The following NCOR1 variants were observed in gnomAD, a reference collection of about 807,000 sequenced individuals.
The protein encoded by NCOR1 is protein phosphatase 1, regulatory subunit 109.
A neutral mutation model predicts 288.1 loss-of-function variants in NCOR1; 63 were observed. The observed-to-expected ratio is 0.22, with a 90% CI of 0.18 to 0.27. The LOEUF (loss-of-function observed/expected upper bound fraction) is 0.27, where lower values mean the gene tolerates loss of function less well. Among genes scored for constraint, NCOR1 ranks in the 10% least tolerant of loss-of-function variants. The probability of loss-of-function intolerance (pLI) is 1.00; values close to 1 mark genes in which losing one functional copy is unlikely to be tolerated. For missense variants in NCOR1, 2,397 were observed against 3,019.2 expected, an observed-to-expected ratio of 0.79 and a Z score of 4.83; for synonymous variants, 1,007 against 1,065.9, an observed-to-expected ratio of 0.94 and a Z score of 1.08.
In NCOR1 at chr17:16,032,379, G is replaced by A. The variant is rs1326585105; in HGVS notation, c.7240C>T (p.His2414Tyr). The A allele has an allele frequency of 2.5e-6, 4 of 1,614,154 alleles. No individual in the cohort carries two copies. The highest frequency in any genetic ancestry group is 2.5e-6 in the Non-Finnish European group (3 of 1,180,004). The change falls in exon 46 of 46, where the codon CAC becomes TAC. Residue 2414 changes from histidine (H) to tyrosine (Y), a missense_variant. Physicochemically the swap from His to Tyr is moderately conservative, Grantham distance 83. Coordinates refer to ENST00000268712, the MANE Select transcript of NCOR1 (RefSeq NM_006311.4). ...CGCTCCCAGATCCTGTTCTGTTGGT[G>A]AGGAGCTGCTTGGTTCACCGCAGAG... is the stretch of plus-strand genomic sequence containing the variant. ...APSAVNQAAPHQQNRIWEREP... is the reference protein window; with the variant it reads ...APSAVNQAAPYQQNRIWEREP...
intron 28 of NCOR1, 63 bp downstream of exon 28, chr17:16,073,366 C>A: frequency 7.1e-7 from 1 of 1,415,290 alleles, no homozygotes; most frequent in Non-Finnish European, 9.4e-7. Flanking sequence ...CTTAATTCAA[C>A]AATGCAAAAT....
rs559127012 is a variant in NCOR1, at chr17:16,166,474, T to C, written c.436-1313A>G. ...CGCAGGCAGATCACAAGGTCAGGAG[T>C]TCCAGACCAGCCTAACCAACATGGT... On this transcript the variant is annotated intron_variant, in intron 4 of 45. Transcript: ENST00000268712. 5.9e-5 allele frequency among the ~76,000 whole-genome samples: 9 copies of C among 151,350 alleles called. No individual in the cohort carries two copies. The East Asian group carries it at 1.8e-3, about 29-fold the overall frequency.
chr17:16,070,058 G>C lies in NCOR1; in HGVS notation c.4513+107C>G, dbSNP rs2061567098. On this transcript the variant is annotated intron_variant, in intron 31 of 45. Transcript: ENST00000268712. The stretch of plus-strand genomic sequence containing the variant: ...GACTCAAGCAAGACCTGTAGATCTT[G>C]GGATACTCTAAAGCTGACAATTTGA... The C allele has an allele frequency of 2.2e-6, 3 of 1,381,464 alleles. No individual in the cohort carries two copies. In the East Asian group the frequency reaches 6.9e-5, roughly 32 times the overall value. The allele number at this position is 1,381,464 out of a possible 1,614,324, so 85.6% of individuals were successfully genotyped here. A position where few individuals can be genotyped will look rare whatever the true frequency, so the allele number is the denominator to read the frequency against.
chr17:16,175,667 C>G (rs117595452), intron 3 of NCOR1, among the ~76,000 whole-genome samples: 1 of 151,914 alleles, frequency 6.6e-6, no homozygotes, highest in African/African-American at 2.4e-5. Flanking sequence ...GCAGGAGGAT[C>G]GCTTGATGCT....
At chr17:16,041,631 T>C (rs1023208425) in intron 42 of NCOR1, among the ~76,000 whole-genome samples, 5 of 152,110 alleles carry the variant, frequency 3.3e-5, no homozygotes, top group African/African-American at 1.2e-4. Context: ...GCCAGGCTGG[T>C]CTCGAACTCC....
At chr17:16,130,150 G>C (rs2075370992) in intron 14 of NCOR1, among the ~76,000 whole-genome samples, 1 of 152,242 alleles carries the variant, frequency 6.6e-6, no homozygotes, top group South Asian at 2.1e-4. Context: ...TGACCAGGCA[G>C]TGGTGAGCGG....
chr17:16,099,098 A>G (rs2067150592), intron 20 of NCOR1, among the ~76,000 whole-genome samples: 1 of 152,172 alleles, frequency 6.6e-6, no homozygotes, highest in Non-Finnish European at 1.5e-5. Flanking sequence ...AGAACCAACA[A>G]CATGAAATCA....
intron 40 of NCOR1, among the ~76,000 whole-genome samples, chr17:16,055,379 A>G (rs1052648321): frequency 6.6e-6 from 1 of 152,250 alleles, no homozygotes; most frequent in Non-Finnish European, 1.5e-5. Context: ...TTTCAGGGAC[A>G]TGGATGGAGC....
At chr17:16,040,016 C>G (rs757126218) in intron 43 of NCOR1, 1 of 391,984 alleles carries the variant, frequency 2.6e-6, no homozygotes, top group Admixed American at 3.6e-5. Flanking sequence ...TCTCGAATTC[C>G]GAACCTCAGG....
intron 21 of NCOR1, among the ~76,000 whole-genome samples, chr17:16,092,672 TATATATATATATATATA>T (rs1567957920): frequency 2.3e-4 from 4 of 17,070 alleles, no homozygotes; most frequent in African/African-American, 9.2e-4. Flanking sequence ...TATATATATA[TATATATATATATATATA>T]TATATATTTT....
intron 3 of NCOR1, among the ~76,000 whole-genome samples, chr17:16,172,376 G>A (rs1007930489): frequency 6.6e-6 from 1 of 152,066 alleles, no homozygotes; most frequent in East Asian, 1.9e-4. Flanking sequence ...AAAAAGGTTT[G>A]GGGGGAGGAT....
intron 5 of NCOR1, among the ~76,000 whole-genome samples, chr17:16,160,235 G>A (rs552161942): frequency 3.2e-4 from 49 of 152,144 alleles, no homozygotes; most frequent in African/African-American, 4.3e-4. Flanking sequence ...ATGACTTAAC[G>A]TATATATAAA....
chr17:16,125,627 G>T (rs2073880633), intron 15 of NCOR1, among the ~76,000 whole-genome samples: 1 of 149,546 alleles, frequency 6.7e-6, no homozygotes, highest in Non-Finnish European at 1.5e-5. Flanking sequence ...GCGTGAACCT[G>T]GGAAGTGGAG....
rs1973850282 is a variant in NCOR1, at chr17:16,034,840, A to T, written c.7060T>A (p.Ser2354Thr). 2 of 1,614,116 alleles carry T rather than the reference A, an allele frequency of 1.2e-6. No homozygotes were observed. Among genetic ancestry groups the T allele is most frequent in the Non-Finnish European group, 1.7e-6 (2 of 1,180,012 alleles). Residue 2354 changes from serine (S) to threonine (T), a missense_variant, in exon 45 of 46, where the codon TCC (serine) becomes ACC (threonine). Ser to Thr is a moderately conservative substitution (Grantham distance 58, BLOSUM62 1). Coordinates refer to ENST00000268712, the MANE Select transcript of NCOR1 (RefSeq NM_006311.4). ...TAATCCCCTTCTGAATGTACAGAGG[A>T]GACTGAAGAGGGCCGTTCCGTTCCT... ...YLGTERPSSV[S>T]SVHSEGDYHR...
intron 16 of NCOR1, 45 bp downstream of exon 16, chr17:16,121,007 C>T (rs774527141): frequency 1.1e-5 from 17 of 1,546,670 alleles, no homozygotes; most frequent in Non-Finnish European, 1.2e-5. Context: ...GAAACAGAAT[C>T]CCGAACAAAA....
At chr17:16,041,223 A>G (rs928721907) in intron 42 of NCOR1, 4 of 152,226 alleles carry the variant, frequency 2.6e-5, no homozygotes, top group Non-Finnish European at 4.4e-5. Context: ...AGTTTGAATG[A>G]TAACAGCATA....
At position 16,062,183 on chromosome 17, in the gene NCOR1, T is replaced by G. The variant is rs776298118; in HGVS notation, c.5309A>C (p.Gln1770Pro). The change falls in exon 36 of 46, where the codon CAG becomes CCG. Residue 1770 changes from glutamine (Q) to proline (P), a missense_variant. Coordinates refer to ENST00000268712, the MANE Select transcript of NCOR1 (RefSeq NM_006311.4). ...GGTTCCTTGGAAAACACTGGGTCTCTGTTGCAACATGGTCTCCTGAGTTCT... is the reference window on the plus strand; with the variant it reads ...GGTTCCTTGGAAAACACTGGGTCTCGGTTGCAACATGGTCTCCTGAGTTCT... ...SVRTQETMLQ[Q>P]RPSVFQGTNG... The G allele has an allele frequency of 1.3e-5, 21 of 1,614,016 alleles. No homozygotes were observed. The highest frequency in any genetic ancestry group is 1.6e-4 in the Middle Eastern group (1 of 6,084).
chr17:16,082,218 A>G (rs1280811863), intron 23 of NCOR1, among the ~76,000 whole-genome samples: 1 of 152,060 alleles, frequency 6.6e-6, no homozygotes, highest in Non-Finnish European at 1.5e-5. Context: ...GGTGGGGGGG[A>G]TCCAAGTTCC....
intron 42 of NCOR1, among the ~76,000 whole-genome samples, chr17:16,042,876 G>C (rs964349222): frequency 6.6e-6 from 1 of 152,228 alleles, no homozygotes; most frequent in African/African-American, 2.4e-5. Context: ...GTAGAGCTTA[G>C]TAGGAAAAGC....
Sources: allele counts gnomAD v4.1 joint callset (sites outside exome capture counted in the v4.1 genomes callset), GRCh38; gene constraint gnomAD v4.1.1; transcripts MANE v1.5; gene names NCBI Gene and HGNC (gene_info 2026-07-23, HGNC 2026-07-21).